The following ZNF69 variants were observed in gnomAD, a reference collection of about 807,000 sequenced individuals.
The protein encoded by ZNF69 is zinc finger protein 69.
Under a neutral mutation model 50.9 loss-of-function variants are expected in ZNF69, and 47 were observed. That is an observed-to-expected ratio of 0.92 (90% confidence interval 0.73 to 1.18). The LOEUF (loss-of-function observed/expected upper bound fraction) is 1.18. ZNF69 is among the 50% of genes most tolerant of loss of function. ZNF69 has a pLI of 0.00. For synonymous variants in ZNF69, 216 were observed against 223.1 expected, an observed-to-expected ratio of 0.97 and a Z score of 0.29; for missense variants, 717 against 675.1, an observed-to-expected ratio of 1.06 and a Z score of -0.69.
At chr19:11,952,352 AT>A in the ZNF69 span, among the ~76,000 whole-genome samples, 2 of 152,136 alleles carry the variant, frequency 1.3e-5, no homozygotes, top group African/African-American at 2.4e-5. Flanking sequence ...ATAAAGCTAT[AT>A]TTTTTCAAAT....
the ZNF69 span, among the ~76,000 whole-genome samples, chr19:11,956,099 G>A: frequency 6.6e-6 from 1 of 152,010 alleles, no homozygotes; most frequent in South Asian, 2.1e-4. Flanking sequence ...GCTTAATAGG[G>A]TTACATTTTC....
At chr19:11,958,131 A>G in the ZNF69 span, among the ~76,000 whole-genome samples, 16 of 152,034 alleles carry the variant, frequency 1.1e-4, no homozygotes, top group East Asian at 3.1e-3. Context: ...TTGCCCACCC[A>G]CCCCCATCTC....
the ZNF69 span, chr19:11,956,740 C>T: frequency 5.2e-6 from 2 of 385,510 alleles, no homozygotes; most frequent in Non-Finnish European, 4.6e-6. Flanking sequence ...CCTGTAATCT[C>T]AGCCATTCGG....
chr19:11,911,532 A>C (rs1480359981), downstream of ZNF69, among the ~76,000 whole-genome samples: 1 of 152,186 alleles, frequency 6.6e-6, no homozygotes, highest in Non-Finnish European at 1.5e-5. Context: ...AGGGACATGG[A>C]TGAAGCTGGA....
chr19:11,969,145 GC>G, the ZNF69 span, among the ~76,000 whole-genome samples: 1 of 152,152 alleles, frequency 6.6e-6, no homozygotes, highest in East Asian at 1.9e-4. Flanking sequence ...CACTCTGTCG[GC>G]TAGGCTGGAG....
chr19:11,925,109 T>A, the ZNF69 span: 2 of 1,423,398 alleles, frequency 1.4e-6, no homozygotes, highest in Non-Finnish European at 9.7e-7. Flanking sequence ...GTCGCTTTCC[T>A]CACCTTCCTC....
intron 3 of ZNF69, 89 bp from the exon 4 acceptor site, chr19:11,904,560 A>G (rs1015426729): frequency 1.1e-5 from 16 of 1,502,570 alleles, no homozygotes; most frequent in Non-Finnish European, 1.4e-5. Context: ...TTTGATGGAC[A>G]GTGTTAAAAA....
the ZNF69 span, among the ~76,000 whole-genome samples, chr19:11,976,191 G>A: frequency 6.6e-6 from 1 of 150,498 alleles, no homozygotes; most frequent in Non-Finnish European, 1.5e-5. Context: ...CATTTTCAAG[G>A]ATACACAGCC....
At chr19:11,942,504 A>G in the ZNF69 span, among the ~76,000 whole-genome samples, 10,485 of 152,232 alleles carry the variant, frequency 0.069, 876 homozygotes, top group African/African-American at 0.2. Context: ...ACACTGGGTT[A>G]GAGAAGGAAG....
chr19:11,949,898 G>T, the ZNF69 span: 2 of 1,614,158 alleles, frequency 1.2e-6, no homozygotes, highest in Non-Finnish European at 1.7e-6. Context: ...TGTAAGCAAT[G>T]TGGGAAAGCC....
chr19:11,898,869 T>C (rs538974149), intron 1 of ZNF69, among the ~76,000 whole-genome samples: 1 of 152,326 alleles, frequency 6.6e-6, no homozygotes, highest in South Asian at 2.1e-4. Context: ...AAAAACCATA[T>C]TGACTTTGTG....
At chr19:11,964,987 GC>G in the ZNF69 span, 1 of 527,896 alleles carries the variant, frequency 1.9e-6, no homozygotes. Flanking sequence ...AATCAGAGGT[GC>G]CGGGGCAGGG....
At chr19:11,972,882 C>A in the ZNF69 span, among the ~76,000 whole-genome samples, 2 of 150,818 alleles carry the variant, frequency 1.3e-5, no homozygotes, top group South Asian at 4.2e-4. Flanking sequence ...GCTTGAACTG[C>A]AGTGTTGGAG....
the ZNF69 span, among the ~76,000 whole-genome samples, chr19:11,956,992 T>C: frequency 6.6e-6 from 1 of 152,230 alleles, no homozygotes; most frequent in South Asian, 2.1e-4. Context: ...CACAGGCAGA[T>C]ACAGTACTCA....
At chr19:11,917,635 A>G (rs602077), downstream of ZNF69, among the ~76,000 whole-genome samples, 37 of 151,202 alleles carry the variant, frequency 2.4e-4, no homozygotes, top group African/African-American at 8.3e-4. Context: ...GAATTTATTT[A>G]TTTGTTTGTT....
chr19:11,965,280 G>T, the ZNF69 span: 2 of 1,606,482 alleles, frequency 1.2e-6, no homozygotes, highest in African/African-American at 1.3e-5. Context: ...AACCGGCTGC[G>T]GCGGGACCCG....
intron 1 of ZNF69, among the ~76,000 whole-genome samples, chr19:11,899,642 T>TA (rs955188754): frequency 2.0e-5 from 3 of 152,000 alleles, no homozygotes; most frequent in African/African-American, 7.3e-5. Context: ...TTTTTTTTTT[T>TA]AAAGACTCAC....
chr19:11,941,485 G>A, the ZNF69 span, among the ~76,000 whole-genome samples: 6 of 152,178 alleles, frequency 3.9e-5, no homozygotes, highest in African/African-American at 9.7e-5. Flanking sequence ...GCGCAGCACC[G>A]GTGGGCTGGC....
At position 11,905,447 on chromosome 19, in the gene ZNF69, C is replaced by CTCTGG; in HGVS notation, c.1050_1051insTCTGG (p.Ile351SerfsTer3). The stretch of plus-strand genomic sequence containing the variant: ...CCTCTCTTACAAGTTTTCAAACACA[C>CTCTGG]ATAAGAATGCACTCTGGAGAAAGAC... On this transcript the variant is annotated frameshift_variant, in exon 4 of 4. Transcript: ENST00000429654. LOFTEE classifies it high-confidence loss of function. 1.2e-6 allele frequency: 2 copies of CTCTGG among 1,614,174 alleles called. No individual in the cohort carries two copies. Among genetic ancestry groups the CTCTGG allele is most frequent in the South Asian group, 2.2e-5 (2 of 91,082 alleles).
Sources: allele counts gnomAD v4.1 joint callset (sites outside exome capture counted in the v4.1 genomes callset), GRCh38; gene constraint gnomAD v4.1.1; transcripts MANE v1.5; gene names NCBI Gene and HGNC (gene_info 2026-07-23, HGNC 2026-07-21).